AGAP1: variants seen among roughly 807,000 people sequenced by gnomAD.
AGAP1 encodes ArfGAP with GTPase domain, ankyrin repeat and PH domain 1.
A neutral mutation model predicts 105.3 loss-of-function variants in AGAP1; 29 were observed. The ratio of observed to expected loss-of-function variants is 0.28; its 90% CI spans 0.21 to 0.38. AGAP1 has a LOEUF of 0.38. Among genes scored for constraint, AGAP1 ranks in the 10% least tolerant of loss-of-function variants. The pLI, the probability that AGAP1 is intolerant of heterozygous loss-of-function variation, is 1.00. For missense variants in AGAP1, 998 were observed against 1,165.1 expected (o/e 0.86, Z 2.09); for synonymous variants, 509 against 485.9 (o/e 1.05, Z -0.63).
rs1174882140 is a variant in AGAP1 at position 235,614,555 on chromosome 2, A to G, written c.164-94624A>G. Among the ~76,000 whole-genome samples, 1 of 152,198 alleles carries G rather than the reference A, an allele frequency of 6.6e-6. No homozygotes were observed. The highest frequency in any genetic ancestry group is 2.4e-5 in the African/African-American group (1 of 41,454). On this transcript the variant is annotated intron_variant, in intron 1 of 17. Coordinates refer to ENST00000304032, the MANE Select transcript of AGAP1 (RefSeq NM_001037131.3). The surrounding 1 kb of genome is among the most constrained non-coding windows in gnomAD (Gnocchi z 4.7). ...CCCGTGAGCAGTGGAAAGTCATTGAATGCTGTCTGGTGTAAAATCTGTTAG... is the reference window on the plus strand; with the variant it reads ...CCCGTGAGCAGTGGAAAGTCATTGAGTGCTGTCTGGTGTAAAATCTGTTAG...
Position 236,109,843 on chromosome 2 carries a change from G to C in AGAP1, c.2115-10349G>C, listed in dbSNP as rs201844520. On this transcript the variant is annotated intron_variant, in intron 16 of 17. Transcript: ENST00000304032. The surrounding 1 kb of genome is among the most constrained non-coding windows in gnomAD (Gnocchi z 5.4). ...ACGGGCAGCTTACAGCTGCCCCATT[G>C]GGGGGCACACCTCTAGATTCTTCCT... 5.9e-5 allele frequency among the ~76,000 whole-genome samples: 9 copies of C among 152,350 alleles called. No homozygotes were observed. The East Asian group carries it at 1.7e-3, about 29-fold the overall frequency.
intron 12 of AGAP1, among the ~76,000 whole-genome samples, chr2:235,943,235 A>G (rs2053341144): frequency 6.6e-6 from 1 of 152,204 alleles, no homozygotes; most frequent in African/African-American, 2.4e-5. Context: ...ACCGTCAATC[A>G]TACTGCCTCC....
intron 6 of AGAP1, among the ~76,000 whole-genome samples, chr2:235,757,134 T>C (rs939549482): frequency 6.6e-6 from 1 of 152,186 alleles, no homozygotes; most frequent in Non-Finnish European, 1.5e-5. Context: ...AGAACTTTGA[T>C]AGTAGTTGTT....
chr2:235,519,103 C>T (rs1461639022), intron 1 of AGAP1, among the ~76,000 whole-genome samples: 1 of 152,180 alleles, frequency 6.6e-6, no homozygotes, highest in East Asian at 1.9e-4. Flanking sequence ...GACAGGGTCT[C>T]ACTCTGTTGC....
At chr2:235,969,205 C>T (rs1415984249) in intron 13 of AGAP1, among the ~76,000 whole-genome samples, 1 of 152,034 alleles carries the variant, frequency 6.6e-6, no homozygotes, top group African/African-American at 2.4e-5. Context: ...GTTTTTATTG[C>T]CACTGATGGC....
chr2:235,603,074 A>G (rs1945787063), intron 1 of AGAP1, among the ~76,000 whole-genome samples: 1 of 152,146 alleles, frequency 6.6e-6, no homozygotes, highest in African/African-American at 2.4e-5. Flanking sequence ...TATAGCTCCC[A>G]TAATTCCCAC....
chr2:235,884,469 T>TTTTTTTC (rs57639994), intron 10 of AGAP1, among the ~76,000 whole-genome samples: 22 of 150,406 alleles, frequency 1.5e-4, no homozygotes, highest in African/African-American at 4.9e-4. Flanking sequence ...TTTTTTTTTT[T>TTTTTTTC]GAGAGGAGTC....
At chr2:235,746,815 C>A (rs527881609) in intron 5 of AGAP1, among the ~76,000 whole-genome samples, 13 of 152,178 alleles carry the variant, frequency 8.5e-5, no homozygotes, top group Non-Finnish European at 1.5e-4. Flanking sequence ...TCAGAATGGG[C>A]TTTTGCTTAG....
Position 235,559,172 on chromosome 2 carries a change from G to A in AGAP1, c.163+64323G>A, listed in dbSNP as rs536950555. Among the ~76,000 whole-genome samples the A allele has an allele frequency of 6.6e-6, 1 of 152,118 alleles. No individual in the cohort carries two copies. The highest frequency in any genetic ancestry group is 1.5e-5 in the Non-Finnish European group (1 of 68,018). ...GAACTCCTGGGCTTAAGTGATCCTCGCACCTCAGCTTCCCAAAGTGCTGGG... is the reference window on the plus strand; with the variant it reads ...GAACTCCTGGGCTTAAGTGATCCTCACACCTCAGCTTCCCAAAGTGCTGGG... On this transcript the variant is annotated intron_variant, in intron 1 of 17. Coordinates refer to ENST00000304032, the MANE Select transcript of AGAP1 (RefSeq NM_001037131.3). The surrounding 1 kb of genome is among the most constrained non-coding windows in gnomAD (Gnocchi z 5.7).
rs1038064203 is a variant in AGAP1, at chr2:235,901,954, A to G, written c.1156-6784A>G. Among the ~76,000 whole-genome samples, 3 of 152,196 alleles carry G rather than the reference A, an allele frequency of 2.0e-5. No individual in the cohort carries two copies. Among genetic ancestry groups the G allele is most frequent in the Admixed American group, 6.5e-5 (1 of 15,284 alleles). ...TGGATTTTGTCTATTGATATTCATC[A>G]TGTTAGAAATTCAAACAAAGAAAAT... is the stretch of plus-strand genomic sequence containing the variant. On this transcript the variant is annotated intron_variant, in intron 10 of 17. Transcript: ENST00000304032. The surrounding 1 kb of genome is among the most constrained non-coding windows in gnomAD (Gnocchi z 4.3).
In AGAP1 at chr2:235,574,288, A is replaced by G. The variant is rs77658214; in HGVS notation, c.163+79439A>G. Among the ~76,000 whole-genome samples the G allele has an allele frequency of 0.024, 3,722 of 152,306 alleles. 153 individuals are homozygous for G. The highest frequency in any genetic ancestry group is 0.085 in the African/African-American group (3,552 of 41,566). On this transcript the variant is annotated intron_variant, in intron 1 of 17. Coordinates refer to ENST00000304032, the MANE Select transcript of AGAP1 (RefSeq NM_001037131.3). This position sits in a 1 kb window ranked among gnomAD's most constrained non-coding sequence, Gnocchi z 5.0. ...CCCACTCCTGCCATCAGGCATTAAA[A>G]TCTTCCGAACAGAAAAGCTGAAAAT...
Position 235,733,442 on chromosome 2 carries a change from G to C in AGAP1, c.311-7521G>C, listed in dbSNP as rs1163855500. Among the ~76,000 whole-genome samples, 1 of 152,182 alleles carries C rather than the reference G, an allele frequency of 6.6e-6. No individual in the cohort carries two copies. The highest frequency in any genetic ancestry group is 1.5e-5 in the Non-Finnish European group (1 of 68,034). On this transcript the variant is annotated intron_variant, in intron 3 of 17. Coordinates refer to ENST00000304032, the MANE Select transcript of AGAP1 (RefSeq NM_001037131.3). This position sits in a 1 kb window ranked among gnomAD's most constrained non-coding sequence, Gnocchi z 5.0. ...CTCAAATCTTCCTTTTTGTTCCTTA[G>C]AGCCTGCGTTTTTTGAGGTTTATTA... is the stretch of plus-strand genomic sequence containing the variant.
chr2:236,067,098 G>C (rs907893653), intron 16 of AGAP1, among the ~76,000 whole-genome samples: 2 of 102,934 alleles, frequency 1.9e-5, no homozygotes, highest in African/African-American at 7.7e-5. Context: ...TCTGCTTCTG[G>C]AGTTGGGGTT....
At chr2:235,560,215 ATAT>A (rs1175789225) in intron 1 of AGAP1, among the ~76,000 whole-genome samples, 1 of 152,156 alleles carries the variant, frequency 6.6e-6, no homozygotes, top group Non-Finnish European at 1.5e-5. Context: ...AATTCTATTA[ATAT>A]TGTTGTACAA....
At chr2:235,715,833 C>A (rs577142162) in intron 2 of AGAP1, among the ~76,000 whole-genome samples, 1 of 152,108 alleles carries the variant, frequency 6.6e-6, no homozygotes, top group Non-Finnish European at 1.5e-5. Context: ...TGACTTCCAG[C>A]CACTGGGAGT....
intron 1 of AGAP1, among the ~76,000 whole-genome samples, chr2:235,518,532 G>A (rs1479891151): frequency 6.6e-6 from 1 of 152,122 alleles, no homozygotes; most frequent in East Asian, 1.9e-4. Context: ...GAGCCAGGGC[G>A]GAAGCTGCAG....
chr2:236,065,768 T>A lies in AGAP1; in HGVS notation c.2114+16487T>A, dbSNP rs116193969. Among the ~76,000 whole-genome samples, 1,491 of 152,330 alleles carry A rather than the reference T, an allele frequency of 9.8e-3. 8 individuals carry two copies. The highest frequency in any genetic ancestry group is 0.015 in the Non-Finnish European group (1,001 of 68,026). ...GGTTGTGGAGCTCTGTGGCACCCAG[T>A]TGGGCTTCAGGGCAAATGAAGCCTT... On this transcript the variant is annotated intron_variant, in intron 16 of 17. Transcript: ENST00000304032.
intron 16 of AGAP1, among the ~76,000 whole-genome samples, chr2:236,077,614 C>T (rs1289129141): frequency 1.3e-5 from 2 of 152,272 alleles, no homozygotes; most frequent in African/African-American, 2.4e-5. Flanking sequence ...CCACCACCCC[C>T]AGCCATGTAT....
Position 235,919,884 on chromosome 2 carries a change from C to A in AGAP1, c.1325-10881C>A, listed in dbSNP as rs1005456976. Reference sequence around the variant, plus strand: ...TGTTGCATCAGCTTGTCCATATAACCCATACCAGGAGATGGATTGTGGCCA... The same window carrying A: ...TGTTGCATCAGCTTGTCCATATAACACATACCAGGAGATGGATTGTGGCCA... On this transcript the variant is annotated intron_variant, in intron 11 of 17. Transcript: ENST00000304032. This position sits in a 1 kb window ranked among gnomAD's most constrained non-coding sequence, Gnocchi z 4.1. Among the ~76,000 whole-genome samples, 2 of 152,150 alleles carry A rather than the reference C, an allele frequency of 1.3e-5. No homozygotes were observed. Among genetic ancestry groups the A allele is most frequent in the African/African-American group, 2.4e-5 (1 of 41,432 alleles).
Sources: gnomAD v4.1 joint callset for allele counts (sites outside exome capture counted in the v4.1 genomes callset) on GRCh38, gnomAD v4.1.1 for gene constraint, Gnocchi (gnomAD v3.1) non-coding constraint, MANE v1.5 for transcripts, NCBI Gene and HGNC (gene_info 2026-07-23, HGNC 2026-07-21) for gene names.